The following LTBP1 variants were observed in gnomAD, a reference collection of about 807,000 sequenced individuals.
LTBP1 encodes latent-transforming growth factor beta-binding protein 1.
Under a neutral mutation model 207.6 loss-of-function variants are expected in LTBP1, and 129 were observed. That is an observed-to-expected ratio of 0.62 (90% CI 0.54 to 0.72). The LOEUF is 0.72. Ranked by LOEUF, LTBP1 falls within the 30% of genes least tolerant of loss-of-function variation. LTBP1 has a pLI of 0.00. For missense variants in LTBP1, 2,281 were observed against 2,217.2 expected, an observed-to-expected ratio of 1.03 and a Z score of -0.58; for synonymous variants, 963 against 833.7, an observed-to-expected ratio of 1.16 and a Z score of -2.67.
chr2:33,359,163 A>G (rs1470310918), intron 26 of LTBP1, among the ~76,000 whole-genome samples: 1 of 152,212 alleles, frequency 6.6e-6, no homozygotes, highest in African/African-American at 2.4e-5. Context: ...AAGACAAAAT[A>G]ATCAGAGAAT....
At chr2:33,139,025 AT>A (rs1235336498) in intron 5 of LTBP1, among the ~76,000 whole-genome samples, 1 of 150,396 alleles carries the variant, frequency 6.6e-6, no homozygotes, top group Non-Finnish European at 1.5e-5. Flanking sequence ...CGCCCGGCTA[AT>A]TTTTTGTATT....
At chr2:32,994,910 C>G (rs1685016020) in intron 2 of LTBP1, among the ~76,000 whole-genome samples, 1 of 152,190 alleles carries the variant, frequency 6.6e-6, no homozygotes, top group Non-Finnish European at 1.5e-5. Flanking sequence ...AGCTCTTCAG[C>G]TGGGCTTGGT....
chr2:33,106,065 T>C (rs1287199528), intron 3 of LTBP1, among the ~76,000 whole-genome samples: 2 of 152,214 alleles, frequency 1.3e-5, no homozygotes, highest in Admixed American at 1.3e-4. Flanking sequence ...AGATTCCATC[T>C]CAAGAAACCA....
At chr2:33,135,525 G>C (rs1168921891) in intron 5 of LTBP1, among the ~76,000 whole-genome samples, 1 of 149,070 alleles carries the variant, frequency 6.7e-6, no homozygotes, top group Admixed American at 6.7e-5. Flanking sequence ...TATATAACGT[G>C]GATTTGGGGA....
chr2:33,008,150 T>G (rs1341179601), intron 2 of LTBP1, among the ~76,000 whole-genome samples: 1 of 152,248 alleles, frequency 6.6e-6, no homozygotes, highest in Non-Finnish European at 1.5e-5. Flanking sequence ...CTTTTCTTGT[T>G]TAACATTTTT....
chr2:33,218,950 A>G (rs931369148), intron 8 of LTBP1, among the ~76,000 whole-genome samples: 2 of 152,116 alleles, frequency 1.3e-5, no homozygotes, highest in Non-Finnish European at 2.9e-5. Context: ...AAACCTCTAT[A>G]TTCAATCTAG....
chr2:33,209,402 C>G (rs888776739), intron 7 of LTBP1, among the ~76,000 whole-genome samples: 5 of 152,070 alleles, frequency 3.3e-5, no homozygotes, highest in African/African-American at 1.2e-4. Flanking sequence ...TCTCTGGCAC[C>G]AAAACATAGC....
intron 3 of LTBP1, among the ~76,000 whole-genome samples, chr2:33,100,090 T>A (rs218215): frequency 0.7 from 106,678 of 151,958 alleles, 38,550 homozygotes; most frequent in East Asian, 1. Flanking sequence ...TTCTCCCAGG[T>A]AAGTGGATAA....
At chr2:32,965,254 C>T (rs1679769601) in intron 2 of LTBP1, among the ~76,000 whole-genome samples, 1 of 152,066 alleles carries the variant, frequency 6.6e-6, no homozygotes, top group African/African-American at 2.4e-5. Flanking sequence ...TTCCTATATA[C>T]CTTTGACCCC....
At chr2:33,139,008 G>C (rs550025966) in intron 5 of LTBP1, among the ~76,000 whole-genome samples, 1 of 150,640 alleles carries the variant, frequency 6.6e-6, no homozygotes, top group Non-Finnish European at 1.5e-5. Context: ...ACAGGCGCCC[G>C]CTACCACGCC....
At chr2:33,189,540 T>C (rs1054233126) in intron 7 of LTBP1, among the ~76,000 whole-genome samples, 4 of 152,184 alleles carry the variant, frequency 2.6e-5, no homozygotes, top group African/African-American at 9.6e-5. Context: ...TTTCTATTTT[T>C]TCAGTTAGGA....
chr2:33,167,746 G>A (rs914430801), intron 5 of LTBP1, among the ~76,000 whole-genome samples: 1 of 152,218 alleles, frequency 6.6e-6, no homozygotes, highest in Non-Finnish European at 1.5e-5. Context: ...GTGGTCAGAA[G>A]AGTCCAAGTG....
At chr2:33,237,719 G>A (rs765886748) in intron 9 of LTBP1, among the ~76,000 whole-genome samples, 1 of 152,150 alleles carries the variant, frequency 6.6e-6, no homozygotes, top group African/African-American at 2.4e-5. Flanking sequence ...TGATATATTT[G>A]TGAATTGTTC....
chr2:33,283,683 G>A (rs1374176025), intron 19 of LTBP1, among the ~76,000 whole-genome samples: 6 of 151,974 alleles, frequency 3.9e-5, no homozygotes, highest in African/African-American at 9.7e-5. Context: ...TGATCCACCC[G>A]CCTCGGCCTC....
Position 33,312,960 on chromosome 2 carries a change from G to A in LTBP1, c.3605-2184G>A, listed in dbSNP as rs143631012. 3.4e-3 allele frequency among the ~76,000 whole-genome samples: 516 copies of A among 152,278 alleles called. 3 individuals carry two copies. The highest frequency in any genetic ancestry group is 0.012 in the African/African-American group (494 of 41,560). On this transcript the variant is annotated intron_variant, in intron 23 of 33. Transcript: ENST00000404816. The stretch of plus-strand genomic sequence containing the variant: ...TTCATGCCACCTTCTTCCTCAGATA[G>A]AGGTAATTCTTGGGCAGCAGGTTGG...
At chr2:32,956,554 T>C (rs1409707510) in intron 2 of LTBP1, among the ~76,000 whole-genome samples, 1 of 152,192 alleles carries the variant, frequency 6.6e-6, no homozygotes, top group Admixed American at 6.5e-5. Context: ...TCTCTTGCTA[T>C]TTCCACTACC....
intron 31 of LTBP1, among the ~76,000 whole-genome samples, chr2:33,388,058 A>T (rs2095283121): frequency 6.6e-6 from 1 of 152,200 alleles, no homozygotes; most frequent in Admixed American, 6.5e-5. Flanking sequence ...TCAGAACATG[A>T]GGCTGTCCTT....
intron 5 of LTBP1, among the ~76,000 whole-genome samples, chr2:33,185,896 G>T (rs917420708): frequency 2.0e-5 from 3 of 152,134 alleles, no homozygotes; most frequent in Non-Finnish European, 4.4e-5. Flanking sequence ...GGAGCTGAGG[G>T]GCTTTTATTA....
At chr2:33,280,327 G>A (rs1161333769) in intron 19 of LTBP1, among the ~76,000 whole-genome samples, 169 bp downstream of exon 19, 1 of 152,080 alleles carries the variant, frequency 6.6e-6, no homozygotes, top group Non-Finnish European at 1.5e-5. Flanking sequence ...ATAAGAAAAT[G>A]ACTTAGCATA....
Sources: gnomAD v4.1 joint callset for allele counts (sites outside exome capture counted in the v4.1 genomes callset) on GRCh38, gnomAD v4.1.1 for gene constraint, MANE v1.5 for transcripts, NCBI Gene and HGNC (gene_info 2026-07-23, HGNC 2026-07-21) for gene names.